JAKMIP1: variants seen among roughly 807,000 people sequenced by gnomAD.
The protein encoded by JAKMIP1 is janus kinase and microtubule-interacting protein 1.
A neutral mutation model predicts 113.0 loss-of-function variants in JAKMIP1; 33 were observed. The ratio of observed to expected loss-of-function variants is 0.29; its 90% CI spans 0.22 to 0.39. The LOEUF (loss-of-function observed/expected upper bound fraction) is 0.39. JAKMIP1 is among the 10% of genes least tolerant of loss of function. The probability of loss-of-function intolerance (pLI) is 1.00; values close to 1 mark genes in which losing one functional copy is unlikely to be tolerated. For synonymous variants in JAKMIP1, 480 were observed against 459.9 expected (o/e 1.04, Z -0.56); for missense variants, 813 against 1,080.5 (o/e 0.75, Z 3.47).
intron 7 of JAKMIP1, among the ~76,000 whole-genome samples, chr4:6,079,268 A>C (rs1720151039): frequency 6.6e-6 from 1 of 152,172 alleles, no homozygotes. Context: ...AGATGGATGG[A>C]TAGATAGATG....
At chr4:6,196,827 C>T (rs974939166) in intron 1 of JAKMIP1, among the ~76,000 whole-genome samples, 1 of 149,712 alleles carries the variant, frequency 6.7e-6, no homozygotes, top group African/African-American at 2.5e-5. Flanking sequence ...TGCCATTGCA[C>T]TCCAGCCTGG....
chr4:6,170,088 C>A (rs1385389545), intron 1 of JAKMIP1, among the ~76,000 whole-genome samples: 2 of 1,248 alleles, frequency 1.6e-3, no homozygotes, highest in African/African-American at 5.4e-3. Context: ...TCCACCACCA[C>A]CGCCACGATC....
chr4:6,030,829 C>T (rs1351677092), intron 19 of JAKMIP1, among the ~76,000 whole-genome samples: 1 of 152,236 alleles, frequency 6.6e-6, no homozygotes, highest in Admixed American at 6.5e-5. Context: ...AGAGAGCCTA[C>T]TCAAATGCAG....
intron 12 of JAKMIP1, 55 bp downstream of exon 12, chr4:6,056,642 C>G (rs562595253): frequency 1.1e-5 from 15 of 1,404,802 alleles, no homozygotes; most frequent in Non-Finnish European, 1.5e-5. Flanking sequence ...TGAGCAGGCC[C>G]GCGGGGTCCC....
At chr4:6,046,468 G>T (rs1715008522) in intron 16 of JAKMIP1, among the ~76,000 whole-genome samples, 1 of 152,208 alleles carries the variant, frequency 6.6e-6, no homozygotes, top group Non-Finnish European at 1.5e-5. Context: ...GTCAGTAGGG[G>T]TTGTGAGGGC....
rs546240428 is a variant in JAKMIP1, at chr4:6,181,577, G to C, written c.-148+18676C>G. On this transcript the variant is annotated intron_variant, in intron 1 of 20. Coordinates refer to ENST00000409021, the MANE Select transcript of JAKMIP1 (RefSeq NM_001099433.2). The surrounding 1 kb of genome is among the most constrained non-coding windows in gnomAD (Gnocchi z 5.4). The stretch of plus-strand genomic sequence containing the variant: ...GAGACCAGGGCCTATGGGTGCCAGC[G>C]TGGTGAGGGAAGGGACATCCAAAGT... Among the ~76,000 whole-genome samples the C allele has an allele frequency of 7.6e-4, 116 of 152,324 alleles. No individual in the cohort carries two copies. The highest frequency in any genetic ancestry group is 2.8e-3 in the African/African-American group (115 of 41,564).
At chr4:6,055,057 G>A (rs996060015) in intron 12 of JAKMIP1, among the ~76,000 whole-genome samples, 1 of 152,168 alleles carries the variant, frequency 6.6e-6, no homozygotes, top group Non-Finnish European at 1.5e-5. Context: ...ATGCAGGGAA[G>A]GGAATGGGGC....
chr4:6,171,582 C>T (rs570715423), intron 1 of JAKMIP1, among the ~76,000 whole-genome samples: 100 of 140,208 alleles, frequency 7.1e-4, no homozygotes, highest in African/African-American at 2.4e-3. Context: ...TGATGTAAAC[C>T]GTCTCGATCC....
chr4:6,098,767 AAAAG>A (rs1226691378), intron 3 of JAKMIP1, among the ~76,000 whole-genome samples: 33 of 151,344 alleles, frequency 2.2e-4, no homozygotes, highest in Admixed American at 6.6e-4. Flanking sequence ...AAAGAGAAAG[AAAAG>A]AAAGAAAGAA....
At chr4:6,084,537 G>C (rs967380285) in intron 5 of JAKMIP1, among the ~76,000 whole-genome samples, 1 of 151,810 alleles carries the variant, frequency 6.6e-6, no homozygotes, top group Admixed American at 6.6e-5. Context: ...TGGGTTTTTT[G>C]GTTTTTTAAT....
intron 1 of JAKMIP1, among the ~76,000 whole-genome samples, chr4:6,118,902 A>G (rs1471917929): frequency 6.6e-6 from 1 of 152,260 alleles, no homozygotes; most frequent in Admixed American, 6.5e-5. Flanking sequence ...ACGAAGTTAA[A>G]GATCTCAAGA....
chr4:6,057,272 C>A (rs772724484), intron 11 of JAKMIP1, among the ~76,000 whole-genome samples: 1 of 152,220 alleles, frequency 6.6e-6, no homozygotes, highest in Non-Finnish European at 1.5e-5. Context: ...CACATGGGGA[C>A]AGGGGGACTC....
chr4:6,124,540 T>C (rs1337655064), intron 1 of JAKMIP1, among the ~76,000 whole-genome samples: 1 of 152,210 alleles, frequency 6.6e-6, no homozygotes, highest in African/African-American at 2.4e-5. Flanking sequence ...TGCATTCGTG[T>C]GACACAGTGG....
Position 6,199,439 on chromosome 4 carries a change from G to A in JAKMIP1, c.-148+814C>T, listed in dbSNP as rs1728204803. The stretch of plus-strand genomic sequence containing the variant: ...GAAGGACCGAGGGGCTGGGAGGCGA[G>A]GCCGCAGCGCACTGACGCAGGCCAG... On this transcript the variant is annotated intron_variant, in intron 1 of 20. Transcript: ENST00000409021. This position sits in a 1 kb window ranked among gnomAD's most constrained non-coding sequence, Gnocchi z 5.6. Among the ~76,000 whole-genome samples, 2 of 152,300 alleles carry A rather than the reference G, an allele frequency of 1.3e-5. No homozygotes were observed. Among genetic ancestry groups the A allele is most frequent in the Admixed American group, 1.3e-4 (2 of 15,314 alleles).
intron 1 of JAKMIP1, among the ~76,000 whole-genome samples, chr4:6,152,011 A>G (rs1268508250): frequency 6.6e-6 from 1 of 152,096 alleles, no homozygotes; most frequent in Non-Finnish European, 1.5e-5. Context: ...ATACACTGTT[A>G]CCACTTAATA....
intron 1 of JAKMIP1, among the ~76,000 whole-genome samples, chr4:6,147,836 C>A (rs1165333116): frequency 1.3e-5 from 2 of 152,262 alleles, no homozygotes; most frequent in African/African-American, 4.8e-5. Flanking sequence ...GACATGGCCA[C>A]CCTGGCCTCA....
Position 6,098,636 on chromosome 4 carries a change from AAAAG to A in JAKMIP1, c.624+6833_624+6836del, listed in dbSNP as rs1439284056. Among the ~76,000 whole-genome samples, 121 of 147,794 alleles carry A rather than the reference AAAAG, an allele frequency of 8.2e-4. 2 individuals are homozygous for A. The East Asian group carries it at 0.02, about 24-fold the overall frequency. On this transcript the variant is annotated intron_variant, in intron 3 of 20. Transcript: ENST00000409021. ...GAAAGAAAAAGAAAAAGAAAGAAAG[AAAAG>A]AAAGAAAGGAAAGGAAAGGAAGAAA... is the stretch of plus-strand genomic sequence containing the variant.
rs6812763 is a variant in JAKMIP1, at chr4:6,157,741, A to C, written c.-148+42512T>G. On this transcript the variant is annotated intron_variant, in intron 1 of 20. Transcript: ENST00000409021. This position sits in a 1 kb window ranked among gnomAD's most constrained non-coding sequence, Gnocchi z 4.7. ...TTCACATTCACTGAGCAGGTTAGAT[A>C]TGCCTCTCCGTAAACACCAGCCATG... 0.2 allele frequency among the ~76,000 whole-genome samples: 30,847 copies of C among 152,232 alleles called. 5,970 individuals carry two copies. The highest frequency in any genetic ancestry group is 0.51 in the African/African-American group (21,028 of 41,500).
At chr4:6,062,610 A>G (rs1487737449) in intron 9 of JAKMIP1, among the ~76,000 whole-genome samples, 170 bp from the exon 10 acceptor site, 1 of 152,250 alleles carries the variant, frequency 6.6e-6, no homozygotes, top group Non-Finnish European at 1.5e-5. Context: ...ACAGGTGCTT[A>G]AGGAGCCTCG....
Sources: gnomAD v4.1 joint callset for allele counts (sites outside exome capture counted in the v4.1 genomes callset) on GRCh38, gnomAD v4.1.1 for gene constraint, Gnocchi (gnomAD v3.1) non-coding constraint, MANE v1.5 for transcripts, NCBI Gene and HGNC (gene_info 2026-07-23, HGNC 2026-07-21) for gene names.